Variants in ABHD12 observed in about 807,000 individuals in gnomAD.
The protein encoded by ABHD12 is lysophosphatidylserine lipase ABHD12.
A neutral mutation model predicts 58.3 loss-of-function variants in ABHD12; 43 were observed. That is an observed-to-expected ratio of 0.74 (90% CI 0.58 to 0.95). ABHD12 has a LOEUF of 0.95. Ranked by LOEUF, ABHD12 falls within the 40% of genes least tolerant of loss-of-function variation. The pLI is 0.00. For missense variants in ABHD12, 539 were observed against 537.2 expected, an observed-to-expected ratio of 1.00 and a Z score of -0.03; for synonymous variants, 219 against 211.2, an observed-to-expected ratio of 1.04 and a Z score of -0.32.
chr20:25,363,221 CTT>C (rs541419840), intron 1 of ABHD12, among the ~76,000 whole-genome samples: 31 of 133,438 alleles, frequency 2.3e-4, no homozygotes, highest in Admixed American at 4.5e-4. Context: ...TGACATTTTA[CTT>C]TTTTTTTTTT....
intron 1 of ABHD12, chr20:25,368,817 T>C: frequency 1.7e-6 from 1 of 601,502 alleles, no homozygotes; most frequent in East Asian, 4.0e-5. Context: ...AAGCCTACTT[T>C]CTTTTAAAAA....
intron 3 of ABHD12, among the ~76,000 whole-genome samples, chr20:25,322,949 C>T (rs1341106470): frequency 6.6e-6 from 1 of 152,102 alleles, no homozygotes; most frequent in Non-Finnish European, 1.5e-5. Context: ...TCTCAAACTC[C>T]TGGACTCAAG....
At chr20:25,353,532 A>G (rs1377418156) in intron 1 of ABHD12, among the ~76,000 whole-genome samples, 1 of 152,194 alleles carries the variant, frequency 6.6e-6, no homozygotes, top group Non-Finnish European at 1.5e-5. Flanking sequence ...AAGGCCCCAA[A>G]GGGAAAAACA....
downstream of ABHD12, chr20:25,295,686 C>T: frequency 6.2e-7 from 1 of 1,608,494 alleles, no homozygotes; most frequent in Non-Finnish European, 8.5e-7. Context: ...GCTCCTGGGT[C>T]CAGAGGCTAG....
chr20:25,308,544 G>T, intron 7 of ABHD12, 50 bp from the exon 8 acceptor site: 1 of 1,570,780 alleles, frequency 6.4e-7, no homozygotes, highest in Non-Finnish European at 8.7e-7. Context: ...AATTGTTTGA[G>T]ATGATATGGG....
downstream of ABHD12, chr20:25,296,306 C>G (rs79750489): frequency 2.5e-4 from 389 of 1,583,648 alleles, 1 homozygote; most frequent in African/African-American, 4.5e-3. Flanking sequence ...GTTCTGGAAT[C>G]CCATGTTTTT....
intron 2 of ABHD12, among the ~76,000 whole-genome samples, chr20:25,336,804 G>C (rs2089377939): frequency 6.6e-6 from 1 of 152,232 alleles, no homozygotes; most frequent in Non-Finnish European, 1.5e-5. Context: ...GGGGAGGACA[G>C]CGGGGCCTGG....
rs113234956 is a variant in ABHD12 at position 25,378,915 on chromosome 20, C to T, written c.191+11598G>A. ...CATTATGTCAGGACATTTTCTTATCCGCTAAACTTATCACAAGTGAATGAG... is the reference window on the plus strand; with the variant it reads ...CATTATGTCAGGACATTTTCTTATCTGCTAAACTTATCACAAGTGAATGAG... On this transcript the variant is annotated intron_variant, in intron 1 of 12. Transcript: ENST00000339157. Among the ~76,000 whole-genome samples the T allele has an allele frequency of 1.2e-3, 184 of 152,254 alleles. 1 individual carries two copies. Among genetic ancestry groups the T allele is most frequent in the African/African-American group, 4.2e-3 (174 of 41,540 alleles).
In ABHD12 at chr20:25,307,954, A is replaced by G; in HGVS notation, c.867+12T>C. 6.6e-7 allele frequency: 1 copy of G among 1,506,292 alleles called. No homozygotes were observed. The highest frequency in any genetic ancestry group is 2.2e-5 in the East Asian group (1 of 44,684). The allele number at this position is 1,506,292 out of a possible 1,614,324, so 93.3% of individuals were successfully genotyped here. ...TAATGAAAAGTTAATTTTTAATAAAATCTGTACTTGCCACTGAAAATGGAT... is the reference window on the plus strand; with the variant it reads ...TAATGAAAAGTTAATTTTTAATAAAGTCTGTACTTGCCACTGAAAATGGAT... On this transcript the variant is annotated intron_variant, in intron 9 of 12. Coordinates refer to ENST00000339157, the MANE Select transcript of ABHD12 (RefSeq NM_001042472.3).
intron 12 of ABHD12, 47 bp downstream of exon 12, chr20:25,302,172 C>A: frequency 6.2e-7 from 1 of 1,611,306 alleles, no homozygotes; most frequent in African/African-American, 1.3e-5. Flanking sequence ...TAGGTGTGAG[C>A]CAGTGCTGCC....
intron 1 of ABHD12, among the ~76,000 whole-genome samples, chr20:25,359,860 T>A (rs2089721151): frequency 6.6e-6 from 1 of 152,210 alleles, no homozygotes; most frequent in Non-Finnish European, 1.5e-5. Context: ...CGTGAGCCAC[T>A]GTGCCTGGCC....
chr20:25,297,931 A>G (rs1381371687), downstream of ABHD12: 1 of 152,292 alleles, frequency 6.6e-6, no homozygotes, highest in Non-Finnish European at 1.5e-5. Flanking sequence ...TGGGGCCACC[A>G]CCCTGACCAC....
chr20:25,325,399 C>A (rs935671617), intron 2 of ABHD12, among the ~76,000 whole-genome samples: 1 of 152,076 alleles, frequency 6.6e-6, no homozygotes, highest in African/African-American at 2.4e-5. Context: ...AGGCCTCACC[C>A]CCAGTACCTA....
At chr20:25,345,847 T>C (rs1415517973) in intron 1 of ABHD12, among the ~76,000 whole-genome samples, 1 of 152,112 alleles carries the variant, frequency 6.6e-6, no homozygotes, top group Non-Finnish European at 1.5e-5. Context: ...AATGCAAACA[T>C]GGTACACAGA....
At chr20:25,332,595 T>C (rs2089296517) in intron 2 of ABHD12, among the ~76,000 whole-genome samples, 1 of 151,722 alleles carries the variant, frequency 6.6e-6, no homozygotes, top group Non-Finnish European at 1.5e-5. Context: ...ACAGAAATTA[T>C]AATAAACTAT....
intron 6 of ABHD12, among the ~76,000 whole-genome samples, chr20:25,311,009 T>C (rs1025220369): frequency 6.6e-6 from 1 of 152,192 alleles, no homozygotes; most frequent in African/African-American, 2.4e-5. Context: ...AGTGTCAACA[T>C]GGAGAGAAGG....
intron 1 of ABHD12, among the ~76,000 whole-genome samples, chr20:25,357,816 GCCTGGACAACATGGCAAAAC>G (rs2089688595): frequency 6.6e-6 from 1 of 152,072 alleles, no homozygotes; most frequent in African/African-American, 2.4e-5. Context: ...TTCAAGACCA[GCCTGGACAACATGGCAAAAC>G]CCTGCCTCTA....
intron 2 of ABHD12, among the ~76,000 whole-genome samples, chr20:25,334,498 T>A (rs1244648190): frequency 2.0e-5 from 3 of 152,126 alleles, no homozygotes; most frequent in Non-Finnish European, 4.4e-5. Flanking sequence ...CATCGCCAAG[T>A]CAATCCTAAG....
chr20:25,352,721 A>G (rs1168614180), intron 1 of ABHD12, among the ~76,000 whole-genome samples: 2 of 152,168 alleles, frequency 1.3e-5, no homozygotes, highest in Non-Finnish European at 2.9e-5. Context: ...TATCAAAAAG[A>G]TTTCTCAAAA....
Sources: allele counts gnomAD v4.1 joint callset (sites outside exome capture counted in the v4.1 genomes callset), GRCh38; gene constraint gnomAD v4.1.1; transcripts MANE v1.5; gene names NCBI Gene and HGNC (gene_info 2026-07-23, HGNC 2026-07-21).